The following RETREG1 variants were observed in gnomAD, a reference collection of about 807,000 sequenced individuals.
RETREG1 encodes the protein reticulophagy regulator 1.
In RETREG1, 44 loss-of-function variants were observed where a neutral mutation model predicts 54.8. The observed-to-expected ratio is 0.80, with a 90% CI of 0.63 to 1.03. RETREG1 has a LOEUF of 1.03. RETREG1 is among the 50% of genes least tolerant of loss of function. The pLI is 0.00. For missense variants in RETREG1, 554 were observed against 605.1 expected, an observed-to-expected ratio of 0.92 and a Z score of 0.89; for synonymous variants, 217 against 238.5, an observed-to-expected ratio of 0.91 and a Z score of 0.83.
intron 3 of RETREG1, among the ~76,000 whole-genome samples, chr5:16,534,961 A>G (rs899292778): frequency 1.3e-5 from 2 of 152,340 alleles, no homozygotes; most frequent in Non-Finnish European, 2.9e-5. Context: ...AGGGATAGAT[A>G]AGAGAAACAT....
Position 16,477,770 on chromosome 5 carries a change from C to A in RETREG1, c.892G>T (p.Ala298Ser), listed in dbSNP as rs1456722158. Residue 298 changes from alanine to serine, a missense_variant, in exon 8 of 9, where the codon GCC (alanine) becomes TCC (serine). Transcript: ENST00000306320. ...LCPKISLTVA[A>S]KELSVSDTDV... ...GTGTCAGACACAGATAACTCTTTGG[C>A]AGCAACCGTGAGGCTAATCTGTGTT... The A allele has an allele frequency of 6.2e-7, 1 of 1,613,256 alleles. No individual in the cohort carries two copies. Among genetic ancestry groups the A allele is most frequent in the Non-Finnish European group, 8.5e-7 (1 of 1,179,572 alleles).
At chr5:16,479,628 T>A (rs544971451) in intron 5 of RETREG1, among the ~76,000 whole-genome samples, 1 of 152,248 alleles carries the variant, frequency 6.6e-6, no homozygotes, top group East Asian at 1.9e-4. Context: ...ATATGACTTC[T>A]TTTGGGGAGA....
intron 1 of RETREG1, among the ~76,000 whole-genome samples, chr5:16,581,037 G>A (rs1742463566): frequency 6.6e-6 from 1 of 152,186 alleles, no homozygotes; most frequent in African/African-American, 2.4e-5. Context: ...AGGGCACACA[G>A]CCCCTCATGT....
chr5:16,505,941 C>A (rs1223412575), intron 3 of RETREG1, among the ~76,000 whole-genome samples: 1 of 152,214 alleles, frequency 6.6e-6, no homozygotes. Flanking sequence ...GTCTCTTGAC[C>A]TTGGAAAAGG....
rs1320217144 is a variant in RETREG1, at chr5:16,616,872, G to A, written c.100C>T (p.Pro34Ser). Residue 34 changes from proline (P) to serine (S), a missense_variant, in exon 1 of 9, where the codon CCC becomes TCC. Physicochemically the swap from Pro to Ser is moderately conservative, Grantham distance 74 (BLOSUM62 -1). Transcript: ENST00000306320. ...TCCTCCTGCTGCTGCCGCTCTGCGG[G>A]GGATGCCTGGGGCGGTGGCGGCGAC... ...PPSPPPPQAS[P>S]AERQQQEEEA... 1 of 1,496,190 alleles carries A rather than the reference G, an allele frequency of 6.7e-7. No homozygotes were observed. Among genetic ancestry groups the A allele is most frequent in the Non-Finnish European group, 8.8e-7 (1 of 1,130,466 alleles). The allele number at this position is 1,496,190 out of a possible 1,614,324, so 92.7% of individuals were successfully genotyped here.
chr5:16,519,362 A>T (rs1740457819), intron 3 of RETREG1, among the ~76,000 whole-genome samples: 1 of 152,228 alleles, frequency 6.6e-6, no homozygotes. Context: ...GGTCACTGAC[A>T]CATGGTATCA....
intron 3 of RETREG1, among the ~76,000 whole-genome samples, chr5:16,506,867 G>C (rs956544625): frequency 1.3e-5 from 2 of 152,150 alleles, no homozygotes; most frequent in African/African-American, 4.8e-5. Context: ...GTAGGGGGAG[G>C]TGGCACAGGA....
intron 3 of RETREG1, among the ~76,000 whole-genome samples, chr5:16,495,542 G>T (rs1447218494): frequency 6.6e-6 from 1 of 152,188 alleles, no homozygotes; most frequent in Non-Finnish European, 1.5e-5. Context: ...TCCAGCTATG[G>T]CTCAAAGAGG....
intron 3 of RETREG1, among the ~76,000 whole-genome samples, chr5:16,492,705 ATGTGT>A (rs1739297849): frequency 1.3e-5 from 2 of 152,116 alleles, no homozygotes; most frequent in Non-Finnish European, 2.9e-5. Context: ...TCTTAGTGTA[ATGTGT>A]TAGAATTTTT....
At chr5:16,613,726 T>C (rs549982426) in intron 1 of RETREG1, among the ~76,000 whole-genome samples, 26 of 152,360 alleles carry the variant, frequency 1.7e-4, no homozygotes, top group African/African-American at 6.0e-4. Flanking sequence ...ACAGATTTGG[T>C]TGGGTTCCCC....
chr5:16,560,120 G>C (rs1741816221), intron 3 of RETREG1, among the ~76,000 whole-genome samples: 1 of 152,210 alleles, frequency 6.6e-6, no homozygotes, highest in Non-Finnish European at 1.5e-5. Context: ...GAGGCCATCA[G>C]AAATTAGACC....
chr5:16,557,420 G>A (rs1287635808), intron 3 of RETREG1, among the ~76,000 whole-genome samples: 4 of 151,976 alleles, frequency 2.6e-5, no homozygotes, highest in African/African-American at 9.7e-5. Flanking sequence ...TTTCATATTT[G>A]TCTTCAGTGG....
chr5:16,479,315 G>T (rs1418261534), intron 5 of RETREG1, among the ~76,000 whole-genome samples: 1 of 151,952 alleles, frequency 6.6e-6, no homozygotes, highest in Non-Finnish European at 1.5e-5. Flanking sequence ...ATTGTTTCCA[G>T]GTGCAGTTAG....
intron 5 of RETREG1, 79 bp from the exon 6 acceptor site, chr5:16,479,066 T>TG: frequency 2.2e-6 from 3 of 1,351,102 alleles, no homozygotes; most frequent in Non-Finnish European, 3.1e-6. Flanking sequence ...CACAAAATAC[T>TG]ACATTTCTTT....
chr5:16,568,524 C>A (rs140724654), intron 2 of RETREG1, among the ~76,000 whole-genome samples: 1 of 152,132 alleles, frequency 6.6e-6, no homozygotes, highest in Non-Finnish European at 1.5e-5. Context: ...CCACCTGCCT[C>A]GGCCTTCCAA....
intron 1 of RETREG1, among the ~76,000 whole-genome samples, chr5:16,576,773 C>T (rs1742331559): frequency 6.6e-6 from 1 of 152,214 alleles, no homozygotes; most frequent in South Asian, 2.1e-4. Flanking sequence ...CGAGCCACCG[C>T]GCCCGGCCAA....
chr5:16,556,280 T>TAA (rs1741705739), intron 3 of RETREG1, among the ~76,000 whole-genome samples: 1 of 151,766 alleles, frequency 6.6e-6, no homozygotes, highest in African/African-American at 2.4e-5. Context: ...TGCCTCAGCC[T>TAA]CCGGAGCTGG....
chr5:16,530,220 C>T (rs1336618465), intron 3 of RETREG1, among the ~76,000 whole-genome samples: 3 of 152,176 alleles, frequency 2.0e-5, no homozygotes, highest in African/African-American at 7.2e-5. Flanking sequence ...AAGAGCCAAC[C>T]ACTAAAGGGC....
At chr5:16,487,245 T>C (rs1739054342) in intron 3 of RETREG1, among the ~76,000 whole-genome samples, 1 of 152,240 alleles carries the variant, frequency 6.6e-6, no homozygotes, top group African/African-American at 2.4e-5. Flanking sequence ...AGTAGCTTTA[T>C]TAATATTTCC....
Sources: gnomAD v4.1 joint callset for allele counts (sites outside exome capture counted in the v4.1 genomes callset) on GRCh38, gnomAD v4.1.1 for gene constraint, MANE v1.5 for transcripts, NCBI Gene and HGNC (gene_info 2026-07-23, HGNC 2026-07-21) for gene names.